TDP1: variants seen among roughly 807,000 people sequenced by gnomAD.
TDP1 encodes tyr-DNA phosphodiesterase 1.
In TDP1, 64 loss-of-function variants were observed where a neutral mutation model predicts 81.5. The observed-to-expected ratio is 0.79, with a 90% CI of 0.64 to 0.97. The LOEUF (loss-of-function observed/expected upper bound fraction) is 0.97. Ranked by LOEUF, TDP1 falls within the 50% of genes least tolerant of loss-of-function variation. The pLI is 0.00. For missense variants in TDP1, 723 were observed against 743.8 expected (o/e 0.97, Z 0.33); for synonymous variants, 256 against 264.3 (o/e 0.97, Z 0.30).
Position 89,966,200 on chromosome 14 carries a change from C to T in TDP1, c.603+10C>T. 1 of 1,583,220 alleles carries T rather than the reference C, an allele frequency of 6.3e-7. No homozygotes were observed. On this transcript the variant is annotated intron_variant, in intron 4 of 16. Coordinates refer to ENST00000335725, the MANE Select transcript of TDP1 (RefSeq NM_018319.4). Reference sequence around the variant, plus strand: ...TGTTTCTTCAGCTCAGGTGAGTATACCTTTAAGCTGTTTTTTCTTTGGGTG... The same window carrying T: ...TGTTTCTTCAGCTCAGGTGAGTATATCTTTAAGCTGTTTTTTCTTTGGGTG...
At chr14:90,041,595 G>C (rs372621997) in intron 16 of TDP1, among the ~76,000 whole-genome samples, 1 of 152,218 alleles carries the variant, frequency 6.6e-6, no homozygotes, top group Non-Finnish European at 1.5e-5. Context: ...GAAAGGGAAA[G>C]GTTGCCCCAG....
intron 6 of TDP1, chr14:89,975,542 A>ATT: frequency 1.3e-6 from 1 of 777,338 alleles, no homozygotes; most frequent in African/African-American, 2.0e-5. Context: ...TGTAGTATAT[A>ATT]TTCTGTAGTG....
intron 15 of TDP1, among the ~76,000 whole-genome samples, chr14:90,022,094 T>C (rs1886154818): frequency 6.6e-6 from 1 of 152,200 alleles, no homozygotes; most frequent in Non-Finnish European, 1.5e-5. Flanking sequence ...CCCAGGGAGC[T>C]CATAGGCTAG....
At chr14:90,000,387 T>C (rs1284982219) in intron 14 of TDP1, among the ~76,000 whole-genome samples, 2 of 152,204 alleles carry the variant, frequency 1.3e-5, no homozygotes, top group Non-Finnish European at 2.9e-5. Context: ...TCGATTCTGC[T>C]TTCCACAGAC....
chr14:90,003,869 A>T (rs1043053200), intron 14 of TDP1, among the ~76,000 whole-genome samples: 3 of 152,078 alleles, frequency 2.0e-5, no homozygotes, highest in Admixed American at 6.5e-5. Flanking sequence ...ACTATGCAGT[A>T]CTCCTTCTCT....
chr14:89,967,663 GCT>G (rs1893113151), intron 5 of TDP1, among the ~76,000 whole-genome samples: 1 of 152,140 alleles, frequency 6.6e-6, no homozygotes, highest in Non-Finnish European at 1.5e-5. Context: ...ATAAGGACAG[GCT>G]TTAACTCAAA....
chr14:89,999,317 A>G (rs1896991873), intron 14 of TDP1, among the ~76,000 whole-genome samples: 1 of 152,212 alleles, frequency 6.6e-6, no homozygotes, highest in South Asian at 2.1e-4. Context: ...TTCATTTAAT[A>G]TATTTACTTG....
At chr14:90,004,586 C>G (rs1465844123) in intron 14 of TDP1, among the ~76,000 whole-genome samples, 1 of 152,156 alleles carries the variant, frequency 6.6e-6, no homozygotes, top group African/African-American at 2.4e-5. Context: ...GGATTTAGAC[C>G]CAGATAGTCT....
chr14:89,987,530 G>A (rs1394032871), intron 10 of TDP1, among the ~76,000 whole-genome samples: 1 of 152,212 alleles, frequency 6.6e-6, no homozygotes, highest in African/African-American at 2.4e-5. Flanking sequence ...GGCACGCAGA[G>A]GAGGAAGCAA....
intron 7 of TDP1, among the ~76,000 whole-genome samples, chr14:89,976,951 C>T (rs1894410445): frequency 6.6e-6 from 1 of 152,052 alleles, no homozygotes; most frequent in South Asian, 2.1e-4. Context: ...ATCAGGAGTT[C>T]GAGACCAATC....
At chr14:89,977,318 G>A (rs566421421) in intron 7 of TDP1, among the ~76,000 whole-genome samples, 1 of 151,372 alleles carries the variant, frequency 6.6e-6, no homozygotes, top group African/African-American at 2.4e-5. Context: ...TTTTTTTGTT[G>A]AGACAGTCTC....
Position 90,043,099 on chromosome 14 carries a change from G to A in TDP1, c.1783G>A (p.Val595Ile). 2 of 1,614,182 alleles carry A rather than the reference G, an allele frequency of 1.2e-6. No individual in the cohort carries two copies. The highest frequency in any genetic ancestry group is 2.7e-5 in the African/African-American group (2 of 75,038). ...DRPWIWNIPY[V>I]KAPDTHGNMW... ...GCCATGGATATGGAACATTCCTTAT[G>A]TCAAAGCACCGGATACGCATGGGAA... Residue 595 changes from valine (V) to isoleucine (I), a missense_variant, in exon 17 of 17, where the codon GTC becomes ATC. By Grantham distance (29) the Val-to-Ile change is conservative (BLOSUM62 3). Coordinates refer to ENST00000335725, the MANE Select transcript of TDP1 (RefSeq NM_018319.4).
chr14:89,956,010 C>T (rs573655514), intron 1 of TDP1, 40 bp downstream of exon 1: 1 of 152,864 alleles, frequency 6.5e-6, no homozygotes, highest in East Asian at 1.9e-4. Flanking sequence ...TCGGTGCGGT[C>T]TCTCGCGGGC....
chr14:89,984,496 G>T lies in TDP1; in HGVS notation c.885-20G>T. ...ATCAGTTGTGTGCCTGACTGTTAAA[G>T]GTTATTTTTTTAATTCCAGAATATG... On this transcript the variant is annotated intron_variant, in intron 8 of 16. Transcript: ENST00000335725. 1.9e-6 allele frequency: 3 copies of T among 1,613,894 alleles called. No homozygotes were observed. The highest frequency in any genetic ancestry group is 2.5e-6 in the Non-Finnish European group (3 of 1,179,992).
At chr14:89,962,876 A>G (rs1892494597) in intron 2 of TDP1, 1 of 981,508 alleles carries the variant, frequency 1.0e-6, no homozygotes, top group African/African-American at 1.8e-5. Flanking sequence ...CCTGTTTCAA[A>G]AAAAAAAAGG....
chr14:89,961,171 A>G (rs1237076615), intron 2 of TDP1, among the ~76,000 whole-genome samples: 3 of 152,270 alleles, frequency 2.0e-5, no homozygotes, highest in African/African-American at 4.8e-5. Flanking sequence ...TCACTTTGGG[A>G]TGGAGACTTA....
At chr14:89,986,733 T>A (rs115815623) in intron 10 of TDP1, among the ~76,000 whole-genome samples, 53 of 152,342 alleles carry the variant, frequency 3.5e-4, no homozygotes, top group African/African-American at 1.2e-3. Flanking sequence ...TGTTGTAAGT[T>A]GTCGGTTCAG....
chr14:89,962,994 G>T (rs999254971), intron 2 of TDP1, 114 bp from the exon 3 acceptor site: 1 of 1,566,558 alleles, frequency 6.4e-7, no homozygotes, highest in East Asian at 2.4e-5. Flanking sequence ...ATGTTAGGTG[G>T]TTCAGCCTCT....
At chr14:89,986,531 G>C (rs1355809752) in intron 10 of TDP1, among the ~76,000 whole-genome samples, 1 of 152,224 alleles carries the variant, frequency 6.6e-6, no homozygotes, top group Non-Finnish European at 1.5e-5. Flanking sequence ...ATCTGATACT[G>C]AAAGTTCAAC....
Sources: allele counts gnomAD v4.1 joint callset (sites outside exome capture counted in the v4.1 genomes callset), GRCh38; gene constraint gnomAD v4.1.1; transcripts MANE v1.5; gene names NCBI Gene and HGNC (gene_info 2026-07-23, HGNC 2026-07-21).